The following TMEM87A variants were observed in gnomAD, a reference collection of about 807,000 sequenced individuals.
The protein encoded by TMEM87A is Golgi-pH regulating cation channel.
A neutral mutation model predicts 90.0 loss-of-function variants in TMEM87A; 50 were observed. The ratio of observed to expected loss-of-function variants is 0.56; its 90% CI spans 0.44 to 0.70. The LOEUF (loss-of-function observed/expected upper bound fraction) is 0.70. Ranked by LOEUF, TMEM87A falls within the 30% of genes least tolerant of loss-of-function variation. TMEM87A has a pLI of 0.00. For synonymous variants in TMEM87A, 226 were observed against 226.7 expected (o/e 1.00, Z 0.03); for missense variants, 577 against 660.5 (o/e 0.87, Z 1.39).
At chr15:42,249,592 TTGAG>T (rs2140961040) in intron 6 of TMEM87A, among the ~76,000 whole-genome samples, 1 of 152,362 alleles carries the variant, frequency 6.6e-6, no homozygotes, top group East Asian at 1.9e-4. Flanking sequence ...TTGTGTGGTT[TTGAG>T]TGAGTTTCTT....
intron 6 of TMEM87A, 134 bp downstream of exon 6, chr15:42,260,824 C>T: frequency 1.1e-6 from 1 of 918,706 alleles, no homozygotes; most frequent in Non-Finnish European, 1.6e-6. Flanking sequence ...CCATTTTTAA[C>T]ATTTTGGTCT....
Position 42,240,337 on chromosome 15 carries a change from A to G in TMEM87A, c.623-606T>C, listed in dbSNP as rs1205658141. On this transcript the variant is annotated intron_variant, in intron 7 of 19. Transcript: ENST00000389834. ...CAAAAAAATATACCATCCCTCATACAAGATTGAAATCTAGCTTCACAATCA... is the reference window on the plus strand; with the variant it reads ...CAAAAAAATATACCATCCCTCATACGAGATTGAAATCTAGCTTCACAATCA... Among the ~76,000 whole-genome samples the G allele has an allele frequency of 2.6e-5, 4 of 152,204 alleles. No individual in the cohort carries two copies. In the East Asian group the frequency reaches 7.7e-4, roughly 29 times the overall value.
intron 1 of TMEM87A, chr15:42,273,032 T>C (rs563586562): frequency 4.7e-4 from 316 of 673,502 alleles, no homozygotes; most frequent in African/African-American, 2.8e-3. Context: ...CCACCACTCC[T>C]TTCTGTTGCT....
intron 6 of TMEM87A, among the ~76,000 whole-genome samples, chr15:42,252,814 T>G (rs1406571685): frequency 2.6e-5 from 4 of 152,230 alleles, no homozygotes; most frequent in African/African-American, 9.6e-5. Context: ...GCATGTATTT[T>G]TTTTAATCCT....
intron 19 of TMEM87A, among the ~76,000 whole-genome samples, chr15:42,212,150 G>T (rs2050300927): frequency 6.6e-6 from 1 of 152,160 alleles, no homozygotes; most frequent in African/African-American, 2.4e-5. Flanking sequence ...CTTTAGAATG[G>T]TTAGGAGGGT....
intron 19 of TMEM87A, among the ~76,000 whole-genome samples, chr15:42,215,877 C>T (rs1421076524): frequency 2.6e-5 from 4 of 152,178 alleles, no homozygotes; most frequent in Non-Finnish European, 5.9e-5. Context: ...CCAGTAATCC[C>T]ACTTCTGCAT....
Position 42,237,616 on chromosome 15 carries a change from CTG to C in TMEM87A, c.685-3_685-2del. The C allele has an allele frequency of 1.3e-6, 2 of 1,569,788 alleles. No homozygotes were observed. The highest frequency in any genetic ancestry group is 1.7e-6 in the Non-Finnish European group (2 of 1,155,606). ...ATACAATACACATCACCATGAAAAACTGTTATCAAATTGGGTAAAAGATAAAA... is the reference window on the plus strand; with the variant it reads ...ATACAATACACATCACCATGAAAAACTTATCAAATTGGGTAAAAGATAAAA... On this transcript the variant is annotated splice_acceptor_variant and splice_polypyrimidine_tract_variant and intron_variant, in intron 8 of 19. Transcript: ENST00000389834. LOFTEE classifies it high-confidence loss of function.
At chr15:42,229,512 T>A (rs941793818) in intron 12 of TMEM87A, among the ~76,000 whole-genome samples, 2 of 151,988 alleles carry the variant, frequency 1.3e-5, no homozygotes, top group South Asian at 2.1e-4. Context: ...TAACATCATC[T>A]TCTCTCTCCC....
intron 3 of TMEM87A, among the ~76,000 whole-genome samples, chr15:42,266,366 A>G: frequency 6.6e-6 from 1 of 152,052 alleles, no homozygotes; most frequent in East Asian, 1.9e-4. Flanking sequence ...AAATACAAAA[A>G]TTAGCCGGGT....
chr15:42,245,202 C>CT (rs1595730827), intron 6 of TMEM87A, among the ~76,000 whole-genome samples: 1 of 152,256 alleles, frequency 6.6e-6, no homozygotes, highest in East Asian at 1.9e-4. Context: ...CTAATAGTCT[C>CT]TGACGAGACT....
At chr15:42,220,188 C>T in intron 15 of TMEM87A, 53 bp from the exon 16 acceptor site, 5 of 1,359,194 alleles carry the variant, frequency 3.7e-6, no homozygotes, top group Non-Finnish European at 5.1e-6. Flanking sequence ...TCAAAAACTG[C>T]TATACCAGTT....
At chr15:42,263,498 A>G (rs1256414964) in intron 4 of TMEM87A, among the ~76,000 whole-genome samples, 1 of 152,210 alleles carries the variant, frequency 6.6e-6, no homozygotes, top group African/African-American at 2.4e-5. Context: ...TAATCCCAGC[A>G]TTTTGGGAGG....
At chr15:42,216,805 C>G (rs1266968497) in intron 19 of TMEM87A, among the ~76,000 whole-genome samples, 1 of 151,970 alleles carries the variant, frequency 6.6e-6, no homozygotes, top group African/African-American at 2.4e-5. Flanking sequence ...GCAGCCAATT[C>G]AACACAATGA....
At chr15:42,253,750 T>G (rs2051127625) in intron 6 of TMEM87A, among the ~76,000 whole-genome samples, 2 of 152,218 alleles carry the variant, frequency 1.3e-5, no homozygotes, top group African/African-American at 4.8e-5. Flanking sequence ...TTTTCCTTAT[T>G]AAGTTTTGGT....
At chr15:42,255,103 T>C (rs770413799) in intron 6 of TMEM87A, among the ~76,000 whole-genome samples, 1 of 151,750 alleles carries the variant, frequency 6.6e-6, no homozygotes, top group Non-Finnish European at 1.5e-5. Context: ...GCGGTGACTA[T>C]AGGCATGCAC....
At chr15:42,246,667 C>T (rs1487094398) in intron 6 of TMEM87A, among the ~76,000 whole-genome samples, 2 of 152,252 alleles carry the variant, frequency 1.3e-5, no homozygotes, top group African/African-American at 4.8e-5. Context: ...TGTATATGTG[C>T]CACATTTTCT....
chr15:42,231,949 G>A (rs1304370980), intron 11 of TMEM87A: 4 of 1,188,866 alleles, frequency 3.4e-6, no homozygotes, highest in Non-Finnish European at 3.3e-6. Flanking sequence ...AAATGAAATT[G>A]ACAGAGGGTT....
chr15:42,258,822 T>TA lies in TMEM87A; in HGVS notation c.504+2135dup, dbSNP rs200493317. ...TGTACAAATAAAACTGGGGTTTAGGTAGTGAGAACACTTTCAGAATGGCAG... is the reference window on the plus strand; with the variant it reads ...TGTACAAATAAAACTGGGGTTTAGGTAAGTGAGAACACTTTCAGAATGGCAG... On this transcript the variant is annotated intron_variant, in intron 6 of 19. Coordinates refer to ENST00000389834, the MANE Select transcript of TMEM87A (RefSeq NM_015497.5). The TA allele has an allele frequency of 8.2e-4, 1,201 of 1,470,710 alleles. 9 individuals are homozygous for TA. The African/African-American group carries it at 0.015, about 19-fold the overall frequency. 91.1% of individuals were successfully genotyped at this position (1,470,710 alleles called of 1,614,324 possible).
chr15:42,273,520 G>C, upstream of TMEM87A: 1 of 1,481,102 alleles, frequency 6.8e-7, no homozygotes, highest in Middle Eastern at 2.2e-4. Flanking sequence ...GAGCTTGTTT[G>C]CTGTGCGGCG....
Sources: allele counts gnomAD v4.1 joint callset (sites outside exome capture counted in the v4.1 genomes callset), GRCh38; gene constraint gnomAD v4.1.1; transcripts MANE v1.5; gene names NCBI Gene and HGNC (gene_info 2026-07-23, HGNC 2026-07-21).